OPCML: variants seen among roughly 807,000 people sequenced by gnomAD.
OPCML encodes the protein opioid-binding protein/cell adhesion molecule.
A neutral mutation model predicts 37.8 loss-of-function variants in OPCML; 13 were observed. That is an observed-to-expected ratio of 0.34 (90% CI 0.22 to 0.55). The LOEUF (loss-of-function observed/expected upper bound fraction) is 0.55, where lower values mean the gene tolerates loss of function less well. Among genes scored for constraint, OPCML ranks in the 20% least tolerant of loss-of-function variants. The probability of loss-of-function intolerance (pLI) is 0.91; values close to 1 mark genes in which losing one functional copy is unlikely to be tolerated. For synonymous variants in OPCML, 176 were observed against 168.8 expected, an observed-to-expected ratio of 1.04 and a Z score of -0.33; for missense variants, 341 against 435.6, an observed-to-expected ratio of 0.78 and a Z score of 1.93.
At chr11:132,779,193 C>T (rs955677736) in intron 2 of OPCML, among the ~76,000 whole-genome samples, 1 of 152,098 alleles carries the variant, frequency 6.6e-6, no homozygotes, top group Non-Finnish European at 1.5e-5. Flanking sequence ...GCCTCGAACT[C>T]CTGACCTCAG....
chr11:132,510,589 A>G (rs1296806666), intron 4 of OPCML, among the ~76,000 whole-genome samples: 1 of 152,176 alleles, frequency 6.6e-6, no homozygotes, highest in African/African-American at 2.4e-5. Context: ...AAGTCTCACA[A>G]GATCTGATGG....
At chr11:132,642,586 T>A (rs1940914165) in intron 3 of OPCML, among the ~76,000 whole-genome samples, 1 of 152,210 alleles carries the variant, frequency 6.6e-6, no homozygotes, top group African/African-American at 2.4e-5. Flanking sequence ...TTCTAAAAGT[T>A]GCTGAACCAC....
intron 1 of OPCML, among the ~76,000 whole-genome samples, chr11:133,081,331 G>A (rs1333735393): frequency 6.6e-6 from 1 of 152,154 alleles, no homozygotes; most frequent in Non-Finnish European, 1.5e-5. Flanking sequence ...GCATCCTGCT[G>A]ATCATTTAAG....
At chr11:132,510,963 G>C (rs2096267574) in intron 4 of OPCML, among the ~76,000 whole-genome samples, 1 of 152,092 alleles carries the variant, frequency 6.6e-6, no homozygotes, top group Non-Finnish European at 1.5e-5. Flanking sequence ...TGTTACTGGA[G>C]AACTGAGCCA....
At chr11:132,905,047 G>A (rs563063504) in intron 2 of OPCML, among the ~76,000 whole-genome samples, 12 of 152,144 alleles carry the variant, frequency 7.9e-5, no homozygotes, top group South Asian at 2.1e-4. Flanking sequence ...TTATTTCACC[G>A]TAGTGCTAAA....
At chr11:132,468,898 C>T (rs920858681) in intron 4 of OPCML, among the ~76,000 whole-genome samples, 2 of 152,196 alleles carry the variant, frequency 1.3e-5, no homozygotes, top group African/African-American at 4.8e-5. Flanking sequence ...CATACTGATC[C>T]AATCACACCC....
At chr11:133,381,323 G>C (rs897885731) in intron 1 of OPCML, among the ~76,000 whole-genome samples, 39 of 152,380 alleles carry the variant, frequency 2.6e-4, no homozygotes, top group African/African-American at 9.1e-4. Context: ...CAAGAAATGA[G>C]ATGGGACAAA....
intron 2 of OPCML, among the ~76,000 whole-genome samples, chr11:132,707,002 T>A (rs1185863147): frequency 6.6e-6 from 1 of 152,228 alleles, no homozygotes; most frequent in African/African-American, 2.4e-5. Flanking sequence ...TCAATTAACC[T>A]TCTGGGGATG....
chr11:133,196,165 A>G (rs1210507163), intron 1 of OPCML, among the ~76,000 whole-genome samples: 1 of 152,202 alleles, frequency 6.6e-6, no homozygotes, highest in Non-Finnish European at 1.5e-5. Flanking sequence ...GGCTTAACTA[A>G]TTCTTCTTAA....
intron 1 of OPCML, among the ~76,000 whole-genome samples, chr11:133,158,483 C>A (rs942191932): frequency 2.0e-5 from 3 of 151,918 alleles, no homozygotes; most frequent in Admixed American, 6.6e-5. Context: ...GGGAGGATCA[C>A]GAGGTCAAGA....
intron 1 of OPCML, among the ~76,000 whole-genome samples, chr11:133,306,843 T>G (rs1188010355): frequency 1.3e-5 from 2 of 152,188 alleles, no homozygotes; most frequent in African/African-American, 2.4e-5. Context: ...TGCCAGAATC[T>G]GATTCTGTTT....
At chr11:133,234,347 A>T (rs1055862152) in intron 1 of OPCML, among the ~76,000 whole-genome samples, 3 of 152,186 alleles carry the variant, frequency 2.0e-5, no homozygotes, top group African/African-American at 7.2e-5. Context: ...TTTTTGGAGG[A>T]TTACTTAGAG....
intron 2 of OPCML, among the ~76,000 whole-genome samples, chr11:132,750,802 T>C (rs1275984281): frequency 1.3e-5 from 2 of 151,972 alleles, no homozygotes; most frequent in Admixed American, 1.3e-4. Context: ...ACCTTTTTTT[T>C]TTTTTGAGAC....
intron 1 of OPCML, among the ~76,000 whole-genome samples, chr11:133,425,150 C>T (rs1945975795): frequency 6.6e-6 from 1 of 152,166 alleles, no homozygotes; most frequent in African/African-American, 2.4e-5. Flanking sequence ...AAATCCTCAC[C>T]TGAGTTCACC....
chr11:133,191,504 G>GGTGTGTGT (rs56143154), intron 1 of OPCML, among the ~76,000 whole-genome samples: 171 of 142,456 alleles, frequency 1.2e-3, no homozygotes, highest in African/African-American at 3.9e-3. Flanking sequence ...TGTGTGTGTG[G>GGTGTGTGT]GTGTGTGTGT....
intron 1 of OPCML, among the ~76,000 whole-genome samples, chr11:132,995,698 G>A (rs1946871705): frequency 6.6e-6 from 1 of 152,166 alleles, no homozygotes; most frequent in Admixed American, 6.5e-5. Context: ...ATGTCAGCAG[G>A]ACGTGAGCCT....
At chr11:132,547,735 G>A (rs2096371963) in intron 3 of OPCML, among the ~76,000 whole-genome samples, 2 of 152,112 alleles carry the variant, frequency 1.3e-5, no homozygotes, top group African/African-American at 4.8e-5. Context: ...CCTCCATCAA[G>A]GGGGTGGAGG....
chr11:133,515,799 C>G (rs1181685611), intron 1 of OPCML, among the ~76,000 whole-genome samples: 2 of 150,222 alleles, frequency 1.3e-5, no homozygotes, highest in Non-Finnish European at 2.9e-5. Context: ...AGGGTCAAGG[C>G]AGGGTCTCCA....
At chr11:133,158,709 T>TAAAATA (rs1950099662) in intron 1 of OPCML, among the ~76,000 whole-genome samples, 3 of 125,806 alleles carry the variant, frequency 2.4e-5, no homozygotes, top group Non-Finnish European at 5.0e-5. Context: ...AAAATAAAAT[T>TAAAATA]AAAAAAATAA....
Sources: allele counts gnomAD v4.1 joint callset (sites outside exome capture counted in the v4.1 genomes callset), GRCh38; gene constraint gnomAD v4.1.1; transcripts MANE v1.5; gene names NCBI Gene and HGNC (gene_info 2026-07-23, HGNC 2026-07-21).